Variants in DNAH5 observed in about 807,000 individuals in gnomAD.
DNAH5 encodes the protein dynein axonemal heavy chain 5.
Under a neutral mutation model 518.2 loss-of-function variants are expected in DNAH5, and 372 were observed. That is an observed-to-expected ratio of 0.72 (90% CI 0.66 to 0.78). DNAH5 has a LOEUF of 0.78. Among genes scored for constraint, DNAH5 ranks in the 30% least tolerant of loss-of-function variants. The pLI is 0.00. For synonymous variants in DNAH5, 2,039 were observed against 2,025.9 expected, an observed-to-expected ratio of 1.01 and a Z score of -0.17; for missense variants, 5,523 against 5,687.0, an observed-to-expected ratio of 0.97 and a Z score of 0.93.
intron 3 of DNAH5, 31 bp from the exon 4 acceptor site, chr5:13,923,471 A>G: frequency 1.2e-6 from 2 of 1,613,280 alleles, no homozygotes; most frequent in South Asian, 2.2e-5. Flanking sequence ...TAGTTTCACA[A>G]ATGCTTTTTG....
At chr5:13,850,563 A>G (rs1766687179) in intron 31 of DNAH5, 89 bp downstream of exon 31, 2 of 1,199,574 alleles carry the variant, frequency 1.7e-6, no homozygotes, top group Admixed American at 1.8e-5. Context: ...CCTTAGCAAA[A>G]GAAAACAAAT....
chr5:13,845,873 A>T (rs73055831), intron 31 of DNAH5, among the ~76,000 whole-genome samples: 21 of 139,620 alleles, frequency 1.5e-4, no homozygotes, highest in African/African-American at 5.1e-4. Flanking sequence ...GTCTATCACC[A>T]GGGCTGGAGT....
intron 50 of DNAH5, among the ~76,000 whole-genome samples, chr5:13,791,763 G>A (rs922898531): frequency 2.6e-5 from 4 of 151,940 alleles, no homozygotes; most frequent in Admixed American, 2.0e-4. Context: ...AAAAATAATT[G>A]TGTATATGAT....
intron 34 of DNAH5, among the ~76,000 whole-genome samples, chr5:13,840,216 A>G (rs930730954): frequency 5.3e-5 from 8 of 152,258 alleles, no homozygotes; most frequent in Admixed American, 5.2e-4. Context: ...CTTTACTTCC[A>G]TTATATCAGG....
At chr5:13,915,561 T>C (rs1445822) in intron 9 of DNAH5, among the ~76,000 whole-genome samples, 66,592 of 151,784 alleles carry the variant, frequency 0.44, 15,441 homozygotes, top group East Asian at 0.85. Context: ...CTTGCAGCCA[T>C]CCCTCCTGTC....
chr5:13,877,611 A>C (rs892653065), intron 21 of DNAH5, among the ~76,000 whole-genome samples: 10 of 152,244 alleles, frequency 6.6e-5, no homozygotes, highest in African/African-American at 2.4e-4. Context: ...TGTTATAACC[A>C]AAAACATATC....
rs574861268 is a variant in DNAH5 at position 13,701,942 on chromosome 5, A to C, written c.13339-506T>G. On this transcript the variant is annotated intron_variant, in intron 76 of 78. Transcript: ENST00000265104. ...ATGGATAAGTTGTAGAAGACTTGCTACACTTAATTTTAACGGGGTAAACAA... is the reference window on the plus strand; with the variant it reads ...ATGGATAAGTTGTAGAAGACTTGCTCCACTTAATTTTAACGGGGTAAACAA... 6.6e-5 allele frequency among the ~76,000 whole-genome samples: 10 copies of C among 152,346 alleles called. No individual in the cohort carries two copies. In the South Asian group the frequency reaches 2.1e-3, roughly 32 times the overall value.
At chr5:13,742,750 C>CTAAG (rs1408771319) in intron 65 of DNAH5, among the ~76,000 whole-genome samples, 2 of 151,908 alleles carry the variant, frequency 1.3e-5, no homozygotes, top group Non-Finnish European at 2.9e-5. Flanking sequence ...TAAAATAAAT[C>CTAAG]TAAGTACATT....
intron 77 of DNAH5, 131 bp downstream of exon 77, chr5:13,701,153 G>A: frequency 8.1e-7 from 1 of 1,241,264 alleles, no homozygotes; most frequent in East Asian, 2.3e-5. Context: ...TTATGTACAT[G>A]ACAATGTAAC....
At position 13,871,716 on chromosome 5, in the gene DNAH5, T is replaced by C. The variant is rs780846691; in HGVS notation, c.3446A>G (p.Gln1149Arg). The change falls in exon 23 of 79, where the codon CAA becomes CGA. Residue 1149 changes from glutamine (Q) to arginine (R), a missense_variant. Physicochemically the swap from Gln to Arg is conservative, Grantham distance 43. Transcript: ENST00000265104. ...DCFKRYNHIW[Q>R]KGKEEAIKTF... ...CTTAATGGCTTCTTCTTTTCCCTTT[T>C]GCCAAATGTGATTGTAGCGTTTGAA... 9.9e-6 allele frequency: 16 copies of C among 1,613,774 alleles called. No homozygotes were observed. The highest frequency in any genetic ancestry group is 1.2e-5 in the Non-Finnish European group (14 of 1,179,806).
intron 41 of DNAH5, among the ~76,000 whole-genome samples, chr5:13,818,065 T>C (rs1761692762): frequency 6.6e-6 from 1 of 152,214 alleles, no homozygotes; most frequent in Admixed American, 6.5e-5. Context: ...ACCTAGAAGA[T>C]GCCTCATTCA....
At chr5:13,801,850 TA>T (rs200256985) in intron 47 of DNAH5, among the ~76,000 whole-genome samples, 8 of 150,974 alleles carry the variant, frequency 5.3e-5, no homozygotes, top group South Asian at 2.1e-4. Context: ...TACATACAGT[TA>T]AAAAAAAACA....
intron 38 of DNAH5, among the ~76,000 whole-genome samples, chr5:13,824,944 T>G (rs1478240696): frequency 1.3e-5 from 2 of 152,158 alleles, no homozygotes; most frequent in Non-Finnish European, 2.9e-5. Context: ...TAATCAAAAT[T>G]TATTTATCCA....
In DNAH5 at chr5:13,850,804, C is replaced by A; in HGVS notation, c.4962G>T (p.Arg1654=). ...IAKQLPKEAK[R]FSNIDKSWVK... The stretch of plus-strand genomic sequence containing the variant: ...CCCAAGATTTATCTATGTTAGAAAA[C>A]CGCTTGGCTTCCTATGAGAACAAGG... Residue 1654 remains arginine, a synonymous_variant, in exon 31 of 79, where the codon CGG becomes CGT. Transcript: ENST00000265104. 1 of 1,614,156 alleles carries A rather than the reference C, an allele frequency of 6.2e-7. No individual in the cohort carries two copies. The highest frequency in any genetic ancestry group is 8.5e-7 in the Non-Finnish European group (1 of 1,180,016).
At chr5:13,731,469 G>T (rs1394861477) in intron 68 of DNAH5, among the ~76,000 whole-genome samples, 2 of 152,180 alleles carry the variant, frequency 1.3e-5, no homozygotes, top group African/African-American at 4.8e-5. Context: ...TGACTAACCT[G>T]CCGGCTCCCA....
At chr5:13,993,613 T>C (rs373635671) in intron 1 of DNAH5, among the ~76,000 whole-genome samples, 5 of 152,218 alleles carry the variant, frequency 3.3e-5, no homozygotes, top group Admixed American at 2.0e-4. Flanking sequence ...AGTATTTCCT[T>C]AAGAGCTTAA....
chr5:14,004,930 T>C (rs1010190233), intron 1 of DNAH5, among the ~76,000 whole-genome samples: 1 of 152,160 alleles, frequency 6.6e-6, no homozygotes, highest in South Asian at 2.1e-4. Flanking sequence ...CTCCTTCTCT[T>C]GGCCCATCGT....
chr5:13,979,905 A>G (rs1782552307), intron 1 of DNAH5, among the ~76,000 whole-genome samples: 1 of 150,222 alleles, frequency 6.7e-6, no homozygotes, highest in Non-Finnish European at 1.5e-5. Context: ...CAGTGGAGCA[A>G]TTTGGCTCAC....
At chr5:13,752,037 T>C in intron 64 of DNAH5, 97 bp downstream of exon 64, 1 of 1,321,412 alleles carries the variant, frequency 7.6e-7, no homozygotes, top group Non-Finnish European at 1.1e-6. Flanking sequence ...AGGACTCAAA[T>C]TTAAGTTGTT....
Sources: allele counts gnomAD v4.1 joint callset (sites outside exome capture counted in the v4.1 genomes callset), GRCh38; gene constraint gnomAD v4.1.1; transcripts MANE v1.5; gene names NCBI Gene and HGNC (gene_info 2026-07-23, HGNC 2026-07-21).